KCNIP4: variants seen among roughly 807,000 people sequenced by gnomAD.
The protein encoded by KCNIP4 is Kv channel-interacting protein 4.
KCNIP4 carries 12 observed loss-of-function variants against 34.0 expected under a neutral mutation model. The ratio of observed to expected loss-of-function variants is 0.35; its 90% CI spans 0.23 to 0.57. KCNIP4 has a LOEUF of 0.57. KCNIP4 is among the 20% of genes least tolerant of loss of function. KCNIP4 has a pLI of 0.83. For synonymous variants in KCNIP4, 124 were observed against 102.2 expected, an observed-to-expected ratio of 1.21 and a Z score of -1.29; for missense variants, 238 against 311.7, an observed-to-expected ratio of 0.76 and a Z score of 1.78.
At chr4:21,782,966 G>A (rs1382437987) in intron 1 of KCNIP4, among the ~76,000 whole-genome samples, 1 of 152,118 alleles carries the variant, frequency 6.6e-6, no homozygotes, top group East Asian at 1.9e-4. Flanking sequence ...TGACAAAATT[G>A]TAGATAGGGA....
intron 6 of KCNIP4, 45 bp downstream of exon 6, chr4:20,734,583 T>C: frequency 1.1e-6 from 1 of 917,496 alleles, no homozygotes; most frequent in Non-Finnish European, 1.6e-6. Flanking sequence ...AGTTAAGAAA[T>C]GAAAATGGTC....
At chr4:20,848,487 CA>C (rs34837147) in intron 3 of KCNIP4, among the ~76,000 whole-genome samples, 6 of 148,548 alleles carry the variant, frequency 4.0e-5, no homozygotes, top group East Asian at 4.0e-4. Flanking sequence ...ATATGGGCAA[CA>C]AAAAAAAACA....
At chr4:20,763,819 A>G (rs1477677854) in intron 3 of KCNIP4, among the ~76,000 whole-genome samples, 1 of 152,130 alleles carries the variant, frequency 6.6e-6, no homozygotes, top group Admixed American at 6.5e-5. Context: ...TGGCCTGCCA[A>G]AGTGCTGGGA....
intron 3 of KCNIP4, among the ~76,000 whole-genome samples, chr4:20,831,905 G>C (rs1034541592): frequency 2.0e-5 from 3 of 152,174 alleles, no homozygotes; most frequent in Non-Finnish European, 2.9e-5. Flanking sequence ...TGAAGAATAT[G>C]ATTGCCTATC....
chr4:20,904,926 T>C (rs764528154), intron 1 of KCNIP4, among the ~76,000 whole-genome samples: 3 of 152,048 alleles, frequency 2.0e-5, no homozygotes, highest in Non-Finnish European at 4.4e-5. Context: ...GGATGAGGCA[T>C]GGGAGTAGGA....
At chr4:21,681,906 T>G (rs1276509366) in intron 1 of KCNIP4, among the ~76,000 whole-genome samples, 2 of 151,706 alleles carry the variant, frequency 1.3e-5, no homozygotes, top group African/African-American at 4.9e-5. Context: ...TTATTTTTTT[T>G]GAGACAGAGC....
intron 1 of KCNIP4, among the ~76,000 whole-genome samples, chr4:21,553,472 A>T (rs1738742867): frequency 1.3e-5 from 2 of 152,154 alleles, no homozygotes. Flanking sequence ...AATAAGAAGC[A>T]TGGAGACTGA....
At chr4:20,959,225 A>C (rs751739544) in intron 1 of KCNIP4, among the ~76,000 whole-genome samples, 6 of 152,192 alleles carry the variant, frequency 3.9e-5, no homozygotes, top group Non-Finnish European at 8.8e-5. Flanking sequence ...GCCCCCTACT[A>C]CAGGTAGCCA....
intron 1 of KCNIP4, among the ~76,000 whole-genome samples, chr4:21,722,796 C>T (rs190840929): frequency 2.0e-5 from 3 of 152,200 alleles, no homozygotes; most frequent in South Asian, 2.1e-4. Flanking sequence ...GTGCATATTA[C>T]GTTCTGCTCT....
intron 1 of KCNIP4, among the ~76,000 whole-genome samples, chr4:21,628,412 A>G (rs751050103): frequency 3.2e-4 from 48 of 152,142 alleles, no homozygotes; most frequent in Non-Finnish European, 5.6e-4. Flanking sequence ...GTTATCCTCA[A>G]GGTGTGTAAG....
intron 2 of KCNIP4, among the ~76,000 whole-genome samples, chr4:20,856,289 T>C (rs901634096): frequency 6.6e-6 from 1 of 152,232 alleles, no homozygotes; most frequent in Admixed American, 6.5e-5. Flanking sequence ...GAATCATTTA[T>C]AGTGCAAGTT....
At chr4:21,909,807 C>A (rs902930203) in intron 1 of KCNIP4, among the ~76,000 whole-genome samples, 2 of 151,952 alleles carry the variant, frequency 1.3e-5, no homozygotes, top group African/African-American at 2.4e-5. Flanking sequence ...TGGCGACAGG[C>A]AAAGGGAGAA....
intron 1 of KCNIP4, among the ~76,000 whole-genome samples, chr4:21,291,935 G>GAAAGA (rs1763543948): frequency 2.7e-5 from 2 of 74,220 alleles, no homozygotes; most frequent in Non-Finnish European, 2.4e-5. Flanking sequence ...AAGAAAGAAA[G>GAAAGA]AAAAAAAAAG....
intron 1 of KCNIP4, among the ~76,000 whole-genome samples, chr4:21,406,804 C>T (rs1275854029): frequency 6.6e-6 from 1 of 152,026 alleles, no homozygotes; most frequent in Admixed American, 6.6e-5. Flanking sequence ...TGAGAGTATT[C>T]GTGAATAATG....
At chr4:20,849,111 T>C (rs7672653) in intron 3 of KCNIP4, among the ~76,000 whole-genome samples, 91,602 of 151,626 alleles carry the variant, frequency 0.6, 27,847 homozygotes, top group South Asian at 0.79. Context: ...CCTTTATGCA[T>C]GTTTATTTGT....
In KCNIP4 at chr4:20,920,579, C is replaced by T. The variant is rs527977233; in HGVS notation, c.62-37870G>A. Among the ~76,000 whole-genome samples, 230 of 152,286 alleles carry T rather than the reference C, an allele frequency of 1.5e-3. 1 individual carries two copies. Among genetic ancestry groups the T allele is most frequent in the South Asian group, 2.7e-3 (13 of 4,824 alleles). On this transcript the variant is annotated intron_variant, in intron 1 of 8. Coordinates refer to ENST00000382152, the MANE Select transcript of KCNIP4 (RefSeq NM_025221.6). ...CAGTGGGGAGAGGCAGGGTTGCAGACTGGACTTTTGTCTAGTCATGTTTTT... is the reference window on the plus strand; with the variant it reads ...CAGTGGGGAGAGGCAGGGTTGCAGATTGGACTTTTGTCTAGTCATGTTTTT...
chr4:21,049,447 A>G (rs1300535142), intron 1 of KCNIP4, among the ~76,000 whole-genome samples: 1 of 152,156 alleles, frequency 6.6e-6, no homozygotes, highest in Non-Finnish European at 1.5e-5. Flanking sequence ...TGACCCTTGC[A>G]TGTTCAACCC....
At chr4:21,253,174 C>T (rs1760839210) in intron 1 of KCNIP4, among the ~76,000 whole-genome samples, 1 of 152,086 alleles carries the variant, frequency 6.6e-6, no homozygotes, top group Non-Finnish European at 1.5e-5. Flanking sequence ...ACGGCAATTT[C>T]TTTTCTTTTT....
intron 1 of KCNIP4, among the ~76,000 whole-genome samples, chr4:21,299,769 A>G (rs1250808775): frequency 5.3e-5 from 8 of 152,162 alleles, no homozygotes; most frequent in Non-Finnish European, 1.5e-5. Context: ...GAATTTGCCC[A>G]ACTTACTGAC....
Sources: allele counts gnomAD v4.1 joint callset (sites outside exome capture counted in the v4.1 genomes callset), GRCh38; gene constraint gnomAD v4.1.1; transcripts MANE v1.5; gene names NCBI Gene and HGNC (gene_info 2026-07-23, HGNC 2026-07-21).